Variants in HIP1 observed in about 807,000 individuals in gnomAD.
HIP1 encodes the protein huntingtin interacting protein 1.
Under a neutral mutation model 147.6 loss-of-function variants are expected in HIP1, and 65 were observed. That is an observed-to-expected ratio of 0.44 (90% CI 0.36 to 0.54). The LOEUF is 0.54. Ranked by LOEUF, HIP1 falls within the 20% of genes least tolerant of loss-of-function variation. The pLI is 0.00. For missense variants in HIP1, 1,061 were observed against 1,299.6 expected, an observed-to-expected ratio of 0.82 and a Z score of 2.82; for synonymous variants, 479 against 504.0, an observed-to-expected ratio of 0.95 and a Z score of 0.67.
chr7:75,624,923 GT>G (rs1460368503), intron 1 of HIP1, among the ~76,000 whole-genome samples: 2 of 148,348 alleles, frequency 1.3e-5, no homozygotes, highest in African/African-American at 5.1e-5. Flanking sequence ...GTACATAGGT[GT>G]ATTTTTGTTT....
Position 75,568,277 on chromosome 7 carries a change from T to C in HIP1, c.746-21A>G. On this transcript the variant is annotated intron_variant, in intron 8 of 30. Transcript: ENST00000336926. The surrounding 1 kb of genome is among the most constrained non-coding windows in gnomAD (Gnocchi z 4.1). ...GAGGCCTGGAAGAAATTGGAAAGAG[T>C]GTGAGAGGGGAGGGGGACCAGAGGG... The C allele has an allele frequency of 6.3e-7, 1 of 1,575,382 alleles. No homozygotes were observed. Among genetic ancestry groups the C allele is most frequent in the Non-Finnish European group, 8.7e-7 (1 of 1,146,326 alleles).
rs552267670 is a variant in HIP1, at chr7:75,668,569, C to A, written c.121-69322G>T. On this transcript the variant is annotated intron_variant, in intron 1 of 30. Transcript: ENST00000336926. ...CGAACTCCTGATCTCAGGTGATCCA[C>A]CCACCTTGGCCTCCCAAAGTGCTGG... is the stretch of plus-strand genomic sequence containing the variant. Among the ~76,000 whole-genome samples the A allele has an allele frequency of 5.9e-5, 9 of 152,172 alleles. No homozygotes were observed. In the East Asian group the frequency reaches 1.8e-3, roughly 30 times the overall value.
At chr7:75,564,072 G>A (rs1554495073) in intron 9 of HIP1, among the ~76,000 whole-genome samples, 1 of 151,876 alleles carries the variant, frequency 6.6e-6, no homozygotes, top group South Asian at 2.1e-4. Context: ...TTAATTTTTT[G>A]GTAGAAACAG....
intron 1 of HIP1, among the ~76,000 whole-genome samples, chr7:75,682,009 C>T (rs1168315938): frequency 7.0e-6 from 1 of 142,190 alleles, no homozygotes. Flanking sequence ...TTATCTAAGG[C>T]AACAACCTCT....
chr7:75,680,570 C>G (rs1044715557), intron 1 of HIP1, among the ~76,000 whole-genome samples: 5 of 152,010 alleles, frequency 3.3e-5, no homozygotes, highest in African/African-American at 1.2e-4. Context: ...GCTTCCAAAC[C>G]TTTGAAGGTT....
chr7:75,599,720 G>A (rs797034493), intron 1 of HIP1, among the ~76,000 whole-genome samples: 3 of 152,100 alleles, frequency 2.0e-5, no homozygotes, highest in African/African-American at 7.2e-5. Flanking sequence ...TGGTCACTAA[G>A]TCTTTGTTTT....
Position 75,568,940 on chromosome 7 carries a change from C to T in HIP1, c.746-684G>A, listed in dbSNP as rs940969153. 6.6e-6 allele frequency among the ~76,000 whole-genome samples: 1 copy of T among 152,122 alleles called. No individual in the cohort carries two copies. The highest frequency in any genetic ancestry group is 1.5e-5 in the Non-Finnish European group (1 of 68,016). On this transcript the variant is annotated intron_variant, in intron 8 of 30. Transcript: ENST00000336926. This position sits in a 1 kb window ranked among gnomAD's most constrained non-coding sequence, Gnocchi z 4.1. ...AGGAGAATTGCTTGAACCCAGCAGG[C>T]GGAAGTTGCAGTGAGCTGAGATTGC...
chr7:75,623,935 G>A (rs1797943000), intron 1 of HIP1, among the ~76,000 whole-genome samples: 2 of 152,176 alleles, frequency 1.3e-5, no homozygotes, highest in African/African-American at 4.8e-5. Context: ...GGTGGCTCAT[G>A]CCTATAGTCA....
intron 5 of HIP1, among the ~76,000 whole-genome samples, chr7:75,586,483 T>C (rs963032999): frequency 5.3e-5 from 8 of 152,142 alleles, no homozygotes; most frequent in South Asian, 2.1e-4. Flanking sequence ...ATTATAGGTG[T>C]GAGCCACCGT....
intron 1 of HIP1, among the ~76,000 whole-genome samples, chr7:75,694,243 C>T (rs941733446): frequency 6.6e-6 from 1 of 152,008 alleles, no homozygotes; most frequent in Admixed American, 6.6e-5. Flanking sequence ...TTACTAGATG[C>T]CTGTTTTTCC....
chr7:75,554,310 C>G, intron 20 of HIP1, 90 bp from the exon 21 acceptor site: 1 of 1,304,356 alleles, frequency 7.7e-7, no homozygotes, highest in Non-Finnish European at 1.1e-6. Context: ...TGCCTACATG[C>G]CTTTCTTGTA....
chr7:75,556,936 C>T lies in HIP1; in HGVS notation c.1582-125G>A, dbSNP rs1353411092. Reference sequence around the variant, plus strand: ...ACTCTACTGTATGTAAGTTACACCCCCCCAAAAAAGTGCAGGGTGTGGGAG... The same window carrying T: ...ACTCTACTGTATGTAAGTTACACCCTCCCAAAAAAGTGCAGGGTGTGGGAG... On this transcript the variant is annotated intron_variant, in intron 16 of 30. Coordinates refer to ENST00000336926, the MANE Select transcript of HIP1 (RefSeq NM_005338.7). The T allele has an allele frequency of 1.5e-5, 9 of 595,770 alleles. No homozygotes were observed. In the Admixed American group the frequency reaches 2.7e-4, roughly 18 times the overall value. The allele number at this position is 595,770 out of a possible 1,614,324, so 36.9% of individuals were successfully genotyped here.
At chr7:75,661,689 G>T (rs1394193461) in intron 1 of HIP1, among the ~76,000 whole-genome samples, 1 of 151,998 alleles carries the variant, frequency 6.6e-6, no homozygotes, top group Non-Finnish European at 1.5e-5. Context: ...ATGCGAAGCA[G>T]GGAATGGGGA....
chr7:75,607,280 A>G (rs1584872331), intron 1 of HIP1, among the ~76,000 whole-genome samples: 1 of 137,182 alleles, frequency 7.3e-6, no homozygotes, highest in Admixed American at 7.4e-5. Context: ...CCCAGGCTGG[A>G]GTGCAGTGGT....
intron 8 of HIP1, among the ~76,000 whole-genome samples, chr7:75,571,728 G>A (rs587739752): frequency 1.4e-4 from 21 of 152,174 alleles, no homozygotes; most frequent in African/African-American, 4.3e-4. Context: ...GACTACAGGC[G>A]CATGTCACCA....
chr7:75,722,757 T>A (rs1226264890), intron 1 of HIP1, among the ~76,000 whole-genome samples: 1 of 152,132 alleles, frequency 6.6e-6, no homozygotes, highest in African/African-American at 2.4e-5. Context: ...AAAAAAAAAT[T>A]TTTTTTAAGG....
intron 1 of HIP1, among the ~76,000 whole-genome samples, chr7:75,674,799 TTTTTTAATGAGAAGCCAGCTGTTAATC>T (rs1563286062): frequency 6.6e-6 from 1 of 151,860 alleles, no homozygotes; most frequent in African/African-American, 2.4e-5. Flanking sequence ...CCGGCTTTTT[TTTTTTAATGAGAAGCCAGCTGTTAATC>T]TTATTAAAAA....
chr7:75,569,854 A>G (rs1052439723), intron 8 of HIP1, among the ~76,000 whole-genome samples: 5 of 152,184 alleles, frequency 3.3e-5, no homozygotes, highest in Non-Finnish European at 7.3e-5. Context: ...CATCACAACT[A>G]AATGTCACAT....
intron 1 of HIP1, among the ~76,000 whole-genome samples, chr7:75,634,827 C>A (rs1207825329): frequency 1.3e-5 from 2 of 150,864 alleles, no homozygotes; most frequent in African/African-American, 4.9e-5. Context: ...GTGGTCCTAG[C>A]TACTCAGGAG....
Sources: gnomAD v4.1 joint callset for allele counts (sites outside exome capture counted in the v4.1 genomes callset) on GRCh38, gnomAD v4.1.1 for gene constraint, Gnocchi (gnomAD v3.1) non-coding constraint, MANE v1.5 for transcripts, NCBI Gene and HGNC (gene_info 2026-07-23, HGNC 2026-07-21) for gene names.